IGSF21: variants seen among roughly 807,000 people sequenced by gnomAD.
The protein encoded by IGSF21 is immunoglobulin superfamily member 21.
Under a neutral mutation model 46.8 loss-of-function variants are expected in IGSF21, and 28 were observed. The ratio of observed to expected loss-of-function variants is 0.60; its 90% CI spans 0.44 to 0.82. The LOEUF (loss-of-function observed/expected upper bound fraction) is 0.82. Ranked by LOEUF, IGSF21 falls within the 40% of genes least tolerant of loss-of-function variation. The pLI, the probability that IGSF21 is intolerant of heterozygous loss-of-function variation, is 0.00. For synonymous variants in IGSF21, 284 were observed against 273.6 expected, an observed-to-expected ratio of 1.04 and a Z score of -0.38; for missense variants, 624 against 665.5, an observed-to-expected ratio of 0.94 and a Z score of 0.69.
At chr1:18,287,388 C>T (rs973501257) in intron 2 of IGSF21, among the ~76,000 whole-genome samples, 2 of 151,804 alleles carry the variant, frequency 1.3e-5, no homozygotes, top group Non-Finnish European at 2.9e-5. Flanking sequence ...GAGCGAGACT[C>T]TGTCTCAAAC....
chr1:18,123,895 G>C (rs2086254759), intron 1 of IGSF21, among the ~76,000 whole-genome samples: 1 of 152,174 alleles, frequency 6.6e-6, no homozygotes, highest in Admixed American at 6.5e-5. Context: ...TTCCCTAGCT[G>C]TAGGCCCCCT....
At chr1:18,279,321 C>G (rs1295762783) in intron 2 of IGSF21, among the ~76,000 whole-genome samples, 1 of 152,126 alleles carries the variant, frequency 6.6e-6, no homozygotes, top group Non-Finnish European at 1.5e-5. Context: ...AATGTGGATT[C>G]TAGGAGAAGA....
At chr1:18,267,453 G>T (rs2085000476) in intron 2 of IGSF21, among the ~76,000 whole-genome samples, 1 of 152,108 alleles carries the variant, frequency 6.6e-6, no homozygotes, top group African/African-American at 2.4e-5. Flanking sequence ...CCTCCCACTT[G>T]GGCCCACCCT....
intron 4 of IGSF21, among the ~76,000 whole-genome samples, chr1:18,347,412 C>T (rs187481080): frequency 2.6e-5 from 4 of 152,294 alleles, no homozygotes; most frequent in African/African-American, 7.2e-5. Context: ...TTGACGTTCC[C>T]ACTCCATGAA....
intron 2 of IGSF21, among the ~76,000 whole-genome samples, chr1:18,254,036 G>C (rs932806379): frequency 6.6e-6 from 1 of 152,188 alleles, no homozygotes; most frequent in Non-Finnish European, 1.5e-5. Context: ...CATTTTAGAC[G>C]TGATCTCTAA....
chr1:18,185,279 C>G (rs1229988920), intron 1 of IGSF21, among the ~76,000 whole-genome samples: 2 of 152,214 alleles, frequency 1.3e-5, no homozygotes, highest in African/African-American at 2.4e-5. Flanking sequence ...GATACACGAA[C>G]AGCTTGTCCT....
At chr1:18,247,365 C>T (rs563822510) in intron 2 of IGSF21, among the ~76,000 whole-genome samples, 4 of 152,236 alleles carry the variant, frequency 2.6e-5, no homozygotes, top group South Asian at 2.1e-4. Context: ...CTCCTTCATC[C>T]GCCTGGGACC....
intron 1 of IGSF21, among the ~76,000 whole-genome samples, chr1:18,215,199 G>A (rs899055697): frequency 2.0e-5 from 3 of 152,202 alleles, no homozygotes; most frequent in Non-Finnish European, 4.4e-5. Flanking sequence ...GGGACACAGA[G>A]CGAAACCATA....
chr1:18,143,121 G>A (rs1288044366), intron 1 of IGSF21, among the ~76,000 whole-genome samples: 2 of 152,212 alleles, frequency 1.3e-5, no homozygotes, highest in African/African-American at 2.4e-5. Context: ...AGCTTCCAAG[G>A]CTCCCGCAGA....
chr1:18,232,907 T>C (rs944804771), intron 2 of IGSF21, among the ~76,000 whole-genome samples: 4 of 152,194 alleles, frequency 2.6e-5, no homozygotes, highest in African/African-American at 4.8e-5. Context: ...GTGTGGGTCT[T>C]TGGATACTCA....
At chr1:18,263,366 G>T (rs1249230260) in intron 2 of IGSF21, among the ~76,000 whole-genome samples, 1 of 151,702 alleles carries the variant, frequency 6.6e-6, no homozygotes, top group Non-Finnish European at 1.5e-5. Context: ...AGAGTGTGGG[G>T]GTCCTCCAGC....
chr1:18,305,075 G>A (rs1336190175), intron 3 of IGSF21, among the ~76,000 whole-genome samples: 1 of 152,200 alleles, frequency 6.6e-6, no homozygotes, highest in Non-Finnish European at 1.5e-5. Flanking sequence ...GGGAAGGTCT[G>A]GTGAGCCTGA....
At chr1:18,260,884 T>A (rs1193285252) in intron 2 of IGSF21, among the ~76,000 whole-genome samples, 1 of 152,258 alleles carries the variant, frequency 6.6e-6, no homozygotes, top group Non-Finnish European at 1.5e-5. Context: ...ATCCTGGTCT[T>A]GGCTAGTGGG....
chr1:18,320,597 G>A (rs921060971), intron 3 of IGSF21, among the ~76,000 whole-genome samples: 2 of 152,212 alleles, frequency 1.3e-5, no homozygotes, highest in African/African-American at 2.4e-5. Flanking sequence ...CGCAAGGAAT[G>A]CTCAGGTTTG....
chr1:18,162,293 C>A (rs2086634452), intron 1 of IGSF21, among the ~76,000 whole-genome samples: 1 of 152,218 alleles, frequency 6.6e-6, no homozygotes, highest in Admixed American at 6.5e-5. Flanking sequence ...AGCAATCTGC[C>A]TGCCTCTGCC....
Position 18,166,153 on chromosome 1 carries a change from A to G in IGSF21, c.70+57955A>G, listed in dbSNP as rs115239812. 4.7e-3 allele frequency among the ~76,000 whole-genome samples: 713 copies of G among 152,336 alleles called. 5 individuals are homozygous for G. Among genetic ancestry groups the G allele is most frequent in the African/African-American group, 0.016 (675 of 41,572 alleles). On this transcript the variant is annotated intron_variant, in intron 1 of 9. Transcript: ENST00000251296. ...TTCTTTACAGAACCAGGGAACAAGCATTCCTAACAAGCCACTAACAGAGTC... is the reference window on the plus strand; with the variant it reads ...TTCTTTACAGAACCAGGGAACAAGCGTTCCTAACAAGCCACTAACAGAGTC...
intron 3 of IGSF21, among the ~76,000 whole-genome samples, chr1:18,323,405 C>T (rs1569810652): frequency 1.3e-5 from 2 of 152,170 alleles, no homozygotes; most frequent in African/African-American, 2.4e-5. Flanking sequence ...GTGAGCCCCA[C>T]CCGTCCAGCA....
intron 1 of IGSF21, among the ~76,000 whole-genome samples, chr1:18,154,997 T>G (rs2086555667): frequency 6.6e-6 from 1 of 152,016 alleles, no homozygotes; most frequent in Non-Finnish European, 1.5e-5. Context: ...GGCTCACTTA[T>G]GCCTCCTGCA....
chr1:18,346,269 T>C (rs1246420367), intron 4 of IGSF21, among the ~76,000 whole-genome samples: 1 of 151,816 alleles, frequency 6.6e-6, no homozygotes, highest in Non-Finnish European at 1.5e-5. Flanking sequence ...CAGCCCGGAG[T>C]CCAATCACAC....
Sources: allele counts gnomAD v4.1 joint callset (sites outside exome capture counted in the v4.1 genomes callset), GRCh38; gene constraint gnomAD v4.1.1; transcripts MANE v1.5; gene names NCBI Gene and HGNC (gene_info 2026-07-23, HGNC 2026-07-21).